Variants in AQP11 observed in about 807,000 individuals in gnomAD.
The protein encoded by AQP11 is aquaporin 11.
Under a neutral mutation model 21.1 loss-of-function variants are expected in AQP11, and 20 were observed. The ratio of observed to expected loss-of-function variants is 0.95; its 90% CI spans 0.67 to 1.38. The LOEUF (loss-of-function observed/expected upper bound fraction) is 1.38, where lower values mean the gene tolerates loss of function less well. Ranked by LOEUF, AQP11 falls within the 40% of genes most tolerant of loss-of-function variation. AQP11 has a pLI of 0.00. For missense variants in AQP11, 339 were observed against 340.4 expected (o/e 1.00, Z 0.03); for synonymous variants, 167 against 150.1 (o/e 1.11, Z -0.82).
intron 2 of AQP11, among the ~76,000 whole-genome samples, chr11:77,607,926 T>C (rs1451509495): frequency 2.0e-5 from 3 of 152,098 alleles, no homozygotes; most frequent in Admixed American, 2.0e-4. Context: ...GACAAAAAAA[T>C]CTGTGGGTCA....
Position 77,609,431 on chromosome 11 carries a change from G to A in AQP11, c.*54G>A, listed in dbSNP as rs929175703. 1.0e-5 allele frequency: 14 copies of A among 1,387,914 alleles called. No individual in the cohort carries two copies. The Admixed American group carries it at 2.5e-4, about 25-fold the overall frequency. The allele number at this position is 1,387,914 out of a possible 1,614,324, so 86.0% of individuals were successfully genotyped here. ...GGACAGTCCAGCTGGATGTGATAAA[G>A]ATTTTATCACCTCATATGGAAAACA... On this transcript the variant is annotated 3_prime_UTR_variant, in exon 3 of 3. Coordinates refer to ENST00000313578, the MANE Select transcript of AQP11 (RefSeq NM_173039.3).
intron 1 of AQP11, among the ~76,000 whole-genome samples, chr11:77,597,015 A>G (rs1001438953): frequency 1.3e-5 from 2 of 152,116 alleles, no homozygotes; most frequent in African/African-American, 4.8e-5. Flanking sequence ...TACTTGGGAA[A>G]TAATTATTAT....
At chr11:77,604,338 G>T (rs530754987) in intron 2 of AQP11, among the ~76,000 whole-genome samples, 1 of 152,018 alleles carries the variant, frequency 6.6e-6, no homozygotes, top group Admixed American at 6.6e-5. Flanking sequence ...CTACATTCCA[G>T]TTACTTCTAT....
At chr11:77,592,872 G>A (rs539368335) in intron 1 of AQP11, among the ~76,000 whole-genome samples, 2 of 152,154 alleles carry the variant, frequency 1.3e-5, no homozygotes, top group African/African-American at 4.8e-5. Context: ...CTCTTTAAAC[G>A]TCCTTGTTCT....
At chr11:77,602,234 T>C (rs905450749) in intron 1 of AQP11, among the ~76,000 whole-genome samples, 18 of 152,100 alleles carry the variant, frequency 1.2e-4, no homozygotes, top group African/African-American at 4.1e-4. Flanking sequence ...TGAAGTAAAC[T>C]AAGTGAGGGT....
chr11:77,602,091 G>T (rs1014314220), intron 1 of AQP11, among the ~76,000 whole-genome samples: 1 of 152,218 alleles, frequency 6.6e-6, no homozygotes, highest in Non-Finnish European at 1.5e-5. Context: ...AAGTCACACT[G>T]ATCAGAACTG....
Position 77,609,438 on chromosome 11 carries a change from T to C in AQP11, c.*61T>C. The C allele has an allele frequency of 1.5e-6, 2 of 1,346,066 alleles. No homozygotes were observed. The highest frequency in any genetic ancestry group is 2.1e-6 in the Non-Finnish European group (2 of 968,324). 83.4% of individuals were successfully genotyped at this position (1,346,066 alleles called of 1,614,324 possible). A position where few individuals can be genotyped will look rare whatever the true frequency, so the allele number is the denominator to read the frequency against. The stretch of plus-strand genomic sequence containing the variant: ...CCAGCTGGATGTGATAAAGATTTTA[T>C]CACCTCATATGGAAAACACCGGCTG... On this transcript the variant is annotated 3_prime_UTR_variant, in exon 3 of 3. Transcript: ENST00000313578.
intron 1 of AQP11, 150 bp downstream of exon 1, chr11:77,590,761 T>G: frequency 6.8e-7 from 1 of 1,477,456 alleles, no homozygotes; most frequent in Non-Finnish European, 8.9e-7. Flanking sequence ...CAGCCCGTTC[T>G]TAACCAGTAG....
Position 77,600,829 on chromosome 11 carries a change from G to A in AQP11, c.620-2727G>A, listed in dbSNP as rs1958811364. ...AGATCGAGACCATCCCGGCTAAAACGGTGAAACCCCGTCTCTACTAAAAAT... is the reference window on the plus strand; with the variant it reads ...AGATCGAGACCATCCCGGCTAAAACAGTGAAACCCCGTCTCTACTAAAAAT... On this transcript the variant is annotated intron_variant, in intron 1 of 2. Coordinates refer to ENST00000313578, the MANE Select transcript of AQP11 (RefSeq NM_173039.3). Among the ~76,000 whole-genome samples, 6 of 152,124 alleles carry A rather than the reference G, an allele frequency of 3.9e-5. 1 individual carries two copies. In the South Asian group the frequency reaches 1.2e-3, roughly 32 times the overall value.
At chr11:77,605,329 A>T (rs1330218546) in intron 2 of AQP11, among the ~76,000 whole-genome samples, 1 of 152,186 alleles carries the variant, frequency 6.6e-6, no homozygotes, top group African/African-American at 2.4e-5. Context: ...ATGTCTGGAG[A>T]CTAACATATA....
chr11:77,596,537 AAT>A lies in AQP11; in HGVS notation c.619+5951_619+5952del, dbSNP rs529433093. Among the ~76,000 whole-genome samples, 498 of 86,498 alleles carry A rather than the reference AAT, an allele frequency of 5.8e-3. 11 individuals are homozygous for A. The highest frequency in any genetic ancestry group is 0.011 in the Middle Eastern group (2 of 184). The allele number at this position is 86,498 out of a possible 152,430, so 56.7% of individuals were successfully genotyped here. ...AAATATATATGTAAATATATATGTAAATATATATATATATATATATATATATG... is the reference window on the plus strand; with the variant it reads ...AAATATATATGTAAATATATATGTAAATATATATATATATATATATATATG... On this transcript the variant is annotated intron_variant, in intron 1 of 2. Coordinates refer to ENST00000313578, the MANE Select transcript of AQP11 (RefSeq NM_173039.3).
intron 1 of AQP11, chr11:77,591,400 T>C: frequency 1.3e-6 from 1 of 781,756 alleles, no homozygotes; most frequent in South Asian, 5.8e-5. Flanking sequence ...TTTAAATGAT[T>C]ACAACAGAAT....
intron 2 of AQP11, 110 bp downstream of exon 2, chr11:77,603,782 GA>G (rs1958829275): frequency 1.3e-6 from 1 of 770,182 alleles, no homozygotes; most frequent in African/African-American, 1.8e-5. Context: ...GCACAAAACA[GA>G]AAATGAAAAA....
At chr11:77,603,696 G>A (rs1265122016) in intron 2 of AQP11, 24 bp downstream of exon 2, 1 of 1,486,790 alleles carries the variant, frequency 6.7e-7, no homozygotes, top group African/African-American at 1.4e-5. Flanking sequence ...TATTTAATAT[G>A]TCTGAAAGAT....
At chr11:77,597,817 G>A (rs1216776361) in intron 1 of AQP11, among the ~76,000 whole-genome samples, 3 of 151,634 alleles carry the variant, frequency 2.0e-5, no homozygotes, top group African/African-American at 7.3e-5. Context: ...GCAGTGGCGC[G>A]ATCTCGGCTC....
intron 2 of AQP11, among the ~76,000 whole-genome samples, chr11:77,608,274 G>T (rs182852869): frequency 7.9e-4 from 120 of 152,298 alleles, no homozygotes; most frequent in Non-Finnish European, 1.1e-3. Flanking sequence ...AAAGCTACAT[G>T]CCAGATTTCT....
chr11:77,592,788 T>C (rs547083981), intron 1 of AQP11, among the ~76,000 whole-genome samples: 20 of 152,200 alleles, frequency 1.3e-4, no homozygotes, highest in Non-Finnish European at 2.6e-4. Context: ...AGGGTACTAA[T>C]TGATGGGGGA....
chr11:77,597,054 T>G (rs1334072228), intron 1 of AQP11, among the ~76,000 whole-genome samples: 1 of 152,182 alleles, frequency 6.6e-6, no homozygotes, highest in Non-Finnish European at 1.5e-5. Flanking sequence ...TCTATATTTC[T>G]AACAGGCTTC....
rs1958741831 is a variant in AQP11, at chr11:77,590,599, T to C, written c.607T>C (p.Leu203=). 6.2e-7 allele frequency: 1 copy of C among 1,613,546 alleles called. No homozygotes were observed. The highest frequency in any genetic ancestry group is 1.3e-5 in the African/African-American group (1 of 74,934). The change falls in exon 1 of 3, where the codon TTG becomes CTG. Residue 203 remains leucine, a synonymous_variant. Transcript: ENST00000313578. ...IHLLAALITF[L]VYAGGSLTGA... is the part of the protein sequence containing the mutation. ...CCTGCTGGCTGCACTCATCACCTTTTTGGTCTATGCAGGTTTGTCATTCTC... is the reference window on the plus strand; with the variant it reads ...CCTGCTGGCTGCACTCATCACCTTTCTGGTCTATGCAGGTTTGTCATTCTC...
Sources: gnomAD v4.1 joint callset for allele counts (sites outside exome capture counted in the v4.1 genomes callset) on GRCh38, gnomAD v4.1.1 for gene constraint, MANE v1.5 for transcripts, NCBI Gene and HGNC (gene_info 2026-07-23, HGNC 2026-07-21) for gene names.